MED8: variants seen among roughly 807,000 people sequenced by gnomAD.
MED8 encodes the protein mediator of RNA polymerase II transcription subunit 8.
A neutral mutation model predicts 34.8 loss-of-function variants in MED8; 22 were observed. The observed-to-expected ratio is 0.63, with a 90% CI of 0.45 to 0.90. MED8 has a LOEUF of 0.90. Among genes scored for constraint, MED8 ranks in the 40% least tolerant of loss-of-function variants. The pLI is 0.00. For missense variants in MED8, 260 were observed against 326.3 expected (o/e 0.80, Z 1.57); for synonymous variants, 105 against 120.2 (o/e 0.87, Z 0.83).
intron 2 of MED8, among the ~76,000 whole-genome samples, chr1:43,388,012 C>T (rs1352332113): frequency 4.6e-5 from 7 of 152,194 alleles, no homozygotes; most frequent in Non-Finnish European, 1.0e-4. Flanking sequence ...CTAAAAGACT[C>T]AGCCACATCT....
chr1:43,388,270 C>T (rs755940909), intron 2 of MED8, 40 bp downstream of exon 2: 49 of 1,595,838 alleles, frequency 3.1e-5, no homozygotes, highest in Non-Finnish European at 3.9e-5. Flanking sequence ...TAGGCCCCCC[C>T]ACCCATAAGC....
chr1:43,388,419 T>G lies in MED8; in HGVS notation c.16A>C (p.Lys6Gln), dbSNP rs1020997799. MQREE[K>Q]QLEASLDALL... is the part of the protein sequence containing the mutation. ...GCATCTAATGATGCCTCAAGCTGCTTCTCCTCTCTCTGCACCAATAGGAAC... is the reference window on the plus strand; with the variant it reads ...GCATCTAATGATGCCTCAAGCTGCTGCTCCTCTCTCTGCACCAATAGGAAC... The change falls in exon 2 of 7, where the codon AAG (lysine) becomes CAG (glutamine). Residue 6 changes from lysine (K) to glutamine (Q), a missense_variant. By Grantham distance (53) the Lys-to-Gln change is moderately conservative. Coordinates refer to ENST00000372457, the MANE Select transcript of MED8 (RefSeq NM_201542.5). 5 of 1,613,334 alleles carry G rather than the reference T, an allele frequency of 3.1e-6. No homozygotes were observed. Among genetic ancestry groups the G allele is most frequent in the Non-Finnish European group, 4.2e-6 (5 of 1,179,846 alleles).
chr1:43,386,714 C>T lies in MED8; in HGVS notation c.412-44G>A, dbSNP rs372606730. The T allele has an allele frequency of 5.0e-5, 80 of 1,592,822 alleles. No individual in the cohort carries two copies. The highest frequency in any genetic ancestry group is 6.4e-5 in the Non-Finnish European group (75 of 1,168,712). ...TGCAGAGATTAGGGTAACTAGGAAACGATATGGAGAAATTTATTCCTTGGG... is the reference window on the plus strand; with the variant it reads ...TGCAGAGATTAGGGTAACTAGGAAATGATATGGAGAAATTTATTCCTTGGG... On this transcript the variant is annotated intron_variant, in intron 4 of 6. Transcript: ENST00000372457. The surrounding 1 kb of genome is among the most constrained non-coding windows in gnomAD (Gnocchi z 4.9).
Position 43,386,517 on chromosome 1 carries a change from C to T in MED8, c.493+72G>A, listed in dbSNP as rs1232859004. ...CCTTGTGTCCTAACTTCACTACTTC[C>T]AAAACAACCATTCCCATTCCAGTGA... On this transcript the variant is annotated intron_variant, in intron 5 of 6. Transcript: ENST00000372457. This position sits in a 1 kb window ranked among gnomAD's most constrained non-coding sequence, Gnocchi z 4.9. 2 of 1,502,616 alleles carry T rather than the reference C, an allele frequency of 1.3e-6. No homozygotes were observed. The highest frequency in any genetic ancestry group is 1.4e-5 in the African/African-American group (1 of 72,584). 93.1% of individuals were successfully genotyped at this position (1,502,616 alleles called of 1,614,324 possible). A position where few individuals can be genotyped will look rare whatever the true frequency, so the allele number is the denominator to read the frequency against.
Position 43,386,385 on chromosome 1 carries a change from T to C in MED8, c.494-159A>G. Reference sequence around the variant, plus strand: ...AAAAGAGCCAGAGGACCCCCAAGCCTATCTCAGAATTCTCTCTTCTTACTT... The same window carrying C: ...AAAAGAGCCAGAGGACCCCCAAGCCCATCTCAGAATTCTCTCTTCTTACTT... On this transcript the variant is annotated intron_variant, in intron 5 of 6. Coordinates refer to ENST00000372457, the MANE Select transcript of MED8 (RefSeq NM_201542.5). The surrounding 1 kb of genome is among the most constrained non-coding windows in gnomAD (Gnocchi z 4.9). The C allele has an allele frequency of 9.3e-7, 1 of 1,078,948 alleles. No homozygotes were observed. The highest frequency in any genetic ancestry group is 1.3e-6 in the Non-Finnish European group (1 of 767,266). The allele number at this position is 1,078,948 out of a possible 1,614,324, so 66.8% of individuals were successfully genotyped here.
At chr1:43,387,699 C>A in intron 2 of MED8, 52 bp from the exon 3 acceptor site, 1 of 1,604,094 alleles carries the variant, frequency 6.2e-7, no homozygotes, top group Non-Finnish European at 8.5e-7. Flanking sequence ...CTGGGTGGTT[C>A]TTAGTAAAAT....
chr1:43,385,897 A>AT, intron 6 of MED8, 81 bp downstream of exon 6: 1 of 1,577,644 alleles, frequency 6.3e-7, no homozygotes, highest in African/African-American at 1.3e-5. Context: ...AGGTCTAGAG[A>AT]TGCTGGAGGC....
chr1:43,385,621 T>C (rs1282563216), intron 6 of MED8: 5 of 301,850 alleles, frequency 1.7e-5, no homozygotes, highest in Non-Finnish European at 3.2e-5. Context: ...CAATTCCTGA[T>C]GCACCTACCA....
chr1:43,384,394 A>T lies in MED8; in HGVS notation c.*648T>A, dbSNP rs1647650680. 6.5e-7 allele frequency: 1 copy of T among 1,535,184 alleles called. No individual in the cohort carries two copies. The highest frequency in any genetic ancestry group is 1.4e-5 in the African/African-American group (1 of 71,750). On this transcript the variant is annotated 3_prime_UTR_variant, in exon 7 of 7. Coordinates refer to ENST00000372457, the MANE Select transcript of MED8 (RefSeq NM_201542.5). ...GGATAGGGGACTTTATGACTATTTG[A>T]CAGGTAAAAGCCAAGTTGGCTCCTT...
chr1:43,384,680 G>GT lies in MED8; in HGVS notation c.*361dup. 2 of 1,459,880 alleles carry GT rather than the reference G, an allele frequency of 1.4e-6. No individual in the cohort carries two copies. The highest frequency in any genetic ancestry group is 1.4e-5 in the African/African-American group (1 of 70,036). 90.4% of individuals were successfully genotyped at this position (1,459,880 alleles called of 1,614,324 possible). A position where few individuals can be genotyped will look rare whatever the true frequency, so the allele number is the denominator to read the frequency against. ...TGACGTGAGGCAGTATCAGATTAGG[G>GT]TAAGTTCTGGATCAAGGACTGTGGA... On this transcript the variant is annotated 3_prime_UTR_variant, in exon 7 of 7. Transcript: ENST00000372457.
At chr1:43,389,658 C>A in intron 1 of MED8, 101 bp downstream of exon 1, 1 of 1,517,614 alleles carries the variant, frequency 6.6e-7, no homozygotes, top group Non-Finnish European at 8.9e-7. Context: ...GGGTTCTGCC[C>A]TCTCTTCTCA....
In MED8 at chr1:43,386,770, C is replaced by A; in HGVS notation, c.411+88G>T. On this transcript the variant is annotated intron_variant, in intron 4 of 6. Coordinates refer to ENST00000372457, the MANE Select transcript of MED8 (RefSeq NM_201542.5). This position sits in a 1 kb window ranked among gnomAD's most constrained non-coding sequence, Gnocchi z 4.9. ...CCAGAAGCAACTTAGGCGCAACCAA[C>A]TATGTATCCCTACTAGACAGGAATG... 3.7e-6 allele frequency: 6 copies of A among 1,601,246 alleles called. No homozygotes were observed. The highest frequency in any genetic ancestry group is 5.1e-6 in the Non-Finnish European group (6 of 1,172,752).
intron 2 of MED8, among the ~76,000 whole-genome samples, chr1:43,387,850 G>A (rs954710906): frequency 1.3e-5 from 2 of 152,216 alleles, no homozygotes; most frequent in East Asian, 1.9e-4. Context: ...TGAAACAGAC[G>A]TAGAAAAAAC....
intron 6 of MED8, chr1:43,385,579 T>A (rs549632696): frequency 1.5e-5 from 4 of 265,426 alleles, no homozygotes; most frequent in Non-Finnish European, 2.9e-5. Flanking sequence ...GAGAAAAGAA[T>A]ACATGTAGGA....
Position 43,384,906 on chromosome 1 carries a change from G to A in MED8, c.*136C>T. ...GTCCAAGGTCACACAGCTAGTCAGT[G>A]GTGGAAGTGGGATTTGTCTGCTGCT... On this transcript the variant is annotated 3_prime_UTR_variant, in exon 7 of 7. Coordinates refer to ENST00000372457, the MANE Select transcript of MED8 (RefSeq NM_201542.5). The A allele has an allele frequency of 7.0e-7, 1 of 1,436,042 alleles. No homozygotes were observed. The highest frequency in any genetic ancestry group is 9.2e-7 in the Non-Finnish European group (1 of 1,092,668). 89.0% of individuals were successfully genotyped at this position (1,436,042 alleles called of 1,614,324 possible). A position where few individuals can be genotyped will look rare whatever the true frequency, so the allele number is the denominator to read the frequency against.
intron 3 of MED8, 144 bp downstream of exon 3, chr1:43,387,359 T>C: frequency 9.4e-7 from 1 of 1,060,052 alleles, no homozygotes; most frequent in African/African-American, 1.6e-5. Flanking sequence ...TATTTGGGAG[T>C]GGCTCTCCCG....
rs1223334371 is a variant in MED8 at position 43,387,575 on chromosome 1, T to C, written c.198A>G (p.Glu66=). ...LNTLNKVLKH[E]KTPLFRNQVI... The stretch of plus-strand genomic sequence containing the variant: ...CCTGGTTACGGAACAGCGGTGTTTT[T>C]TCATGCTTCAAGACCTTGTTCAGAG... The change falls in exon 3 of 7, where the codon GAA becomes GAG. Residue 66 remains glutamate, a synonymous_variant. Transcript: ENST00000372457. 3 of 1,613,940 alleles carry C rather than the reference T, an allele frequency of 1.9e-6. No individual in the cohort carries two copies. The highest frequency in any genetic ancestry group is 1.3e-5 in the African/African-American group (1 of 74,940).
In MED8 at chr1:43,387,503, C is replaced by T. The variant is rs760183067; in HGVS notation, c.270G>A (p.Met90Ile). The change falls in exon 3 of 7, where the codon ATG becomes ATA. Residue 90 changes from methionine to isoleucine, a missense_variant and splice_region_variant. Met to Ile is a conservative substitution (Grantham distance 10, BLOSUM62 1). Coordinates refer to ENST00000372457, the MANE Select transcript of MED8 (RefSeq NM_201542.5). ...VLSPDRDEDL[M>I]RQTEGRVPVF... ...AGTTGTATTCTTTTTCTCCTCTTAC[C>T]ATGAGATCTTCATCTCGGTCTGGAG... is the stretch of plus-strand genomic sequence containing the variant. 2 of 1,613,960 alleles carry T rather than the reference C, an allele frequency of 1.2e-6. No individual in the cohort carries two copies. Among genetic ancestry groups the T allele is most frequent in the East Asian group, 2.2e-5 (1 of 44,886 alleles).
rs1647632186 is a variant in MED8 at position 43,383,981 on chromosome 1, A to G, written c.*1061T>C. 6.5e-6 allele frequency: 1 copy of G among 154,164 alleles called. No individual in the cohort carries two copies. The highest frequency in any genetic ancestry group is 2.0e-4 in the South Asian group (1 of 5,006). The allele number at this position is 154,164 out of a possible 1,614,324, so 9.5% of individuals were successfully genotyped here. ...ACTTCTGCTGACTCAACCCCTGCCC[A>G]TGCCAACAAAGGAGTACTAAGAAAG... On this transcript the variant is annotated 3_prime_UTR_variant, in exon 7 of 7. Transcript: ENST00000372457.
Sources: allele counts gnomAD v4.1 joint callset (sites outside exome capture counted in the v4.1 genomes callset), GRCh38; gene constraint gnomAD v4.1.1; non-coding constraint Gnocchi (gnomAD v3.1); transcripts MANE v1.5; gene names NCBI Gene and HGNC (gene_info 2026-07-23, HGNC 2026-07-21).